MDGA2: variants seen among roughly 807,000 people sequenced by gnomAD.
MDGA2 encodes the protein MAM domain containing glycosylphosphatidylinositol anchor 2, also known as MAM domain-containing glycosylphosphatidylinositol anchor protein 2.
MDGA2 carries 40 observed loss-of-function variants against 117.8 expected under a neutral mutation model. The ratio of observed to expected loss-of-function variants is 0.34; its 90% CI spans 0.26 to 0.44. The LOEUF (loss-of-function observed/expected upper bound fraction) is 0.44. MDGA2 is among the 20% of genes least tolerant of loss of function. The pLI is 1.00. For synonymous variants in MDGA2, 452 were observed against 439.0 expected, an observed-to-expected ratio of 1.03 and a Z score of -0.37; for missense variants, 1,123 against 1,250.6, an observed-to-expected ratio of 0.90 and a Z score of 1.54.
At chr14:46,877,218 A>T (rs1392999866) in intron 12 of MDGA2, among the ~76,000 whole-genome samples, 1 of 151,694 alleles carries the variant, frequency 6.6e-6, no homozygotes, top group Admixed American at 6.6e-5. Context: ...ACAGCTGCAG[A>T]AATAGCAAAT....
rs982349663 is a variant in MDGA2, at chr14:47,256,338, A to C, written c.421-38143T>G. Among the ~76,000 whole-genome samples the C allele has an allele frequency of 4.7e-4, 71 of 152,020 alleles. 1 individual carries two copies. The highest frequency in any genetic ancestry group is 1.6e-3 in the African/African-American group (67 of 41,372). On this transcript the variant is annotated intron_variant, in intron 2 of 16. Coordinates refer to ENST00000399232, the MANE Select transcript of MDGA2 (RefSeq NM_001113498.3). ...AAAATATTCAATATGCCTGCCCCTA[A>C]ATGTCTTTCCGTCACTTTCCTTCCA... is the stretch of plus-strand genomic sequence containing the variant.
intron 1 of MDGA2, among the ~76,000 whole-genome samples, chr14:47,561,338 C>T (rs1895812775): frequency 6.6e-6 from 1 of 151,758 alleles, no homozygotes; most frequent in Admixed American, 6.6e-5. Flanking sequence ...GCCATTTTAA[C>T]GATATTGAAT....
At chr14:47,672,758 C>G (rs1265239549) in intron 1 of MDGA2, among the ~76,000 whole-genome samples, 1 of 152,212 alleles carries the variant, frequency 6.6e-6, no homozygotes, top group Non-Finnish European at 1.5e-5. Context: ...TCCTAAGGAA[C>G]AGCCCTTTGA....
At chr14:47,168,747 A>G (rs986514718) in intron 3 of MDGA2, among the ~76,000 whole-genome samples, 37 of 152,110 alleles carry the variant, frequency 2.4e-4, no homozygotes, top group African/African-American at 8.2e-4. Context: ...ACCTTAAATT[A>G]CATTTATATG....
intron 1 of MDGA2, among the ~76,000 whole-genome samples, chr14:47,396,791 T>C (rs1372895665): frequency 2.0e-5 from 3 of 152,068 alleles, no homozygotes; most frequent in Non-Finnish European, 4.4e-5. Flanking sequence ...TGAGATACCA[T>C]CTCATGCCGG....
intron 4 of MDGA2, among the ~76,000 whole-genome samples, chr14:47,136,978 T>C (rs764505603): frequency 3.9e-5 from 6 of 152,304 alleles, no homozygotes; most frequent in Admixed American, 1.3e-4. Context: ...AAGGGAAATA[T>C]ATACAATAAT....
chr14:47,523,237 A>G (rs1204624524), intron 1 of MDGA2, among the ~76,000 whole-genome samples: 6 of 152,210 alleles, frequency 3.9e-5, no homozygotes, highest in Non-Finnish European at 8.8e-5. Context: ...TTCACATGAC[A>G]AAACACCCGG....
At chr14:47,242,830 C>G (rs8023172) in intron 2 of MDGA2, among the ~76,000 whole-genome samples, 3 of 151,622 alleles carry the variant, frequency 2.0e-5, no homozygotes, top group Admixed American at 6.6e-5. Flanking sequence ...GGAATGCTAG[C>G]GCAGGGCACA....
intron 8 of MDGA2, among the ~76,000 whole-genome samples, chr14:47,025,583 T>C (rs1201742539): frequency 6.6e-6 from 1 of 152,022 alleles, no homozygotes; most frequent in Non-Finnish European, 1.5e-5. Context: ...CATTTGGCAA[T>C]GTCTGGAGAC....
chr14:47,672,084 C>A (rs1048762882), intron 1 of MDGA2, among the ~76,000 whole-genome samples: 11 of 152,198 alleles, frequency 7.2e-5, no homozygotes, highest in Non-Finnish European at 1.2e-4. Context: ...GCACTTCAAA[C>A]AAGTTCCAGG....
chr14:47,491,843 G>A (rs1301102604), intron 1 of MDGA2, among the ~76,000 whole-genome samples: 1 of 151,810 alleles, frequency 6.6e-6, no homozygotes, highest in Non-Finnish European at 1.5e-5. Context: ...TTTTCAAAGT[G>A]TCCAATAGTT....
intron 8 of MDGA2, among the ~76,000 whole-genome samples, chr14:47,001,103 G>C (rs898299689): frequency 6.6e-6 from 1 of 152,032 alleles, no homozygotes; most frequent in African/African-American, 2.4e-5. Flanking sequence ...ATCACAGCAA[G>C]TAAATTGTCT....
intron 8 of MDGA2, among the ~76,000 whole-genome samples, chr14:47,003,446 C>G (rs1887601227): frequency 6.6e-6 from 1 of 151,846 alleles, no homozygotes; most frequent in South Asian, 2.1e-4. Context: ...ATGTTAAGTT[C>G]CATCGCCTAT....
intron 9 of MDGA2, among the ~76,000 whole-genome samples, chr14:46,951,766 C>T (rs1200038511): frequency 6.6e-6 from 1 of 151,960 alleles, no homozygotes; most frequent in African/African-American, 2.4e-5. Flanking sequence ...AGTCTGACTG[C>T]AGCCTTGTGA....
At chr14:46,991,211 C>T (rs552303771) in intron 8 of MDGA2, among the ~76,000 whole-genome samples, 2 of 152,080 alleles carry the variant, frequency 1.3e-5, no homozygotes, top group African/African-American at 2.4e-5. Context: ...CATCAAGATA[C>T]AGAATAATAA....
At chr14:47,003,367 G>GAA (rs34952989) in intron 8 of MDGA2, among the ~76,000 whole-genome samples, 29 of 148,320 alleles carry the variant, frequency 2.0e-4, no homozygotes, top group South Asian at 4.2e-4. Context: ...AAAACAAAAT[G>GAA]AAAAAAAAAA....
chr14:46,961,439 G>A (rs186898016), intron 8 of MDGA2, among the ~76,000 whole-genome samples: 5 of 152,116 alleles, frequency 3.3e-5, no homozygotes, highest in Admixed American at 1.3e-4. Context: ...AGCTAATTCA[G>A]TTCTTAATTC....
At chr14:47,516,478 T>A (rs984961778) in intron 1 of MDGA2, among the ~76,000 whole-genome samples, 1 of 152,176 alleles carries the variant, frequency 6.6e-6, no homozygotes, top group Non-Finnish European at 1.5e-5. Context: ...TTACTACTGA[T>A]TAATAGACTT....
intron 8 of MDGA2, among the ~76,000 whole-genome samples, chr14:47,005,604 T>A (rs1187334291): frequency 6.6e-6 from 1 of 151,602 alleles, no homozygotes; most frequent in Non-Finnish European, 1.5e-5. Flanking sequence ...TACTTTTTTA[T>A]ATATCTGAAT....
Sources: allele counts gnomAD v4.1 joint callset (sites outside exome capture counted in the v4.1 genomes callset), GRCh38; gene constraint gnomAD v4.1.1; transcripts MANE v1.5; gene names NCBI Gene and HGNC (gene_info 2026-07-23, HGNC 2026-07-21).